The following MYH6 variants were observed in gnomAD, a reference collection of about 807,000 sequenced individuals.
The protein encoded by MYH6 is myosin-6.
MYH6 carries 126 observed loss-of-function variants against 223.2 expected under a neutral mutation model. The observed-to-expected ratio is 0.56, with a 90% CI of 0.49 to 0.65. MYH6 has a LOEUF of 0.65. MYH6 is among the 30% of genes least tolerant of loss of function. The pLI is 0.00. For synonymous variants in MYH6, 978 were observed against 1,010.2 expected, an observed-to-expected ratio of 0.97 and a Z score of 0.61; for missense variants, 2,040 against 2,536.4, an observed-to-expected ratio of 0.80 and a Z score of 4.20.
intron 12 of MYH6, 25 bp from the exon 13 acceptor site, chr14:23,401,002 G>A (rs1891583488): frequency 6.2e-7 from 1 of 1,611,572 alleles, no homozygotes; most frequent in East Asian, 2.2e-5. Context: ...AAGGATAAGT[G>A]AGCACTTCCT....
Position 23,398,951 on chromosome 14 carries a change from G to C in MYH6, c.1668C>G (p.Asn556Lys), listed in dbSNP as rs1169335242. 6.8e-6 allele frequency: 11 copies of C among 1,614,066 alleles called. No homozygotes were observed. The highest frequency in any genetic ancestry group is 2.7e-5 in the African/African-American group (2 of 74,918). ...DMTFKAKLYD[N>K]HLGKSNNFQK... ...GGAAATTGTTGGACTTGCCCAGGTG[G>C]TTGTCGTACAGCTTGGCCTTGAAGG... The change falls in exon 15 of 39, where the codon AAC (asparagine) becomes AAG (lysine). Residue 556 changes from asparagine to lysine, a missense_variant. Physicochemically the swap from Asn to Lys is moderately conservative, Grantham distance 94. Around this residue, in one of 4 missense-constraint regions of MYH6, gnomAD observed 649 missense variants for 877.3 expected, o/e 0.74. Coordinates refer to ENST00000405093, the MANE Select transcript of MYH6 (RefSeq NM_002471.4).
rs200623022 is a variant in MYH6, at chr14:23,404,742, C to T, written c.611G>A (p.Arg204His). 42 of 1,614,050 alleles carry T rather than the reference C, an allele frequency of 2.6e-5. No individual in the cohort carries two copies. The highest frequency in any genetic ancestry group is 5.3e-5 in the African/African-American group (4 of 74,904). The change falls in exon 7 of 39, where the codon CGT becomes CAT. Residue 204 changes from arginine to histidine, a missense_variant. Coordinates refer to ENST00000405093, the MANE Select transcript of MYH6 (RefSeq NM_002471.4). ...YFASIAAIGD[R>H]GKKDNANANK... ...CGCATTGGCATTGTCCTTCTTGCCA[C>T]GGTCACCTATGGCTGCAATGCTGGC...
chr14:23,388,413 A>G, intron 29 of MYH6, 75 bp from the exon 30 acceptor site: 1 of 1,583,678 alleles, frequency 6.3e-7, no homozygotes, highest in Non-Finnish European at 8.6e-7. Flanking sequence ...ACCTCCTTCC[A>G]CCCCCTCCCT....
chr14:23,384,914 A>AC lies in MYH6; in HGVS notation c.5289+1dup. On this transcript the variant is annotated splice_donor_variant, in intron 35 of 38. Coordinates refer to ENST00000405093, the MANE Select transcript of MYH6 (RefSeq NM_002471.4). LOFTEE classifies it high-confidence loss of function. The stretch of plus-strand genomic sequence containing the variant: ...GGAGGCGGAAGGTGGGCGGTCACTT[A>AC]CATCCGTGATGGCCTTCTTGGCCTT... The AC allele has an allele frequency of 6.2e-7, 1 of 1,614,010 alleles. No individual in the cohort carries two copies. The highest frequency in any genetic ancestry group is 8.5e-7 in the Non-Finnish European group (1 of 1,180,034).
chr14:23,388,690 A>T (rs763966764), intron 29 of MYH6, 169 bp downstream of exon 29: 4 of 1,135,800 alleles, frequency 3.5e-6, no homozygotes, highest in Non-Finnish European at 5.4e-6. Context: ...AGGGCCAGCC[A>T]GAGTTCACAG....
intron 37 of MYH6, among the ~76,000 whole-genome samples, 157 bp from the exon 38 acceptor site, chr14:23,382,719 C>T (rs1363091361): frequency 6.6e-6 from 1 of 152,206 alleles, no homozygotes; most frequent in Non-Finnish European, 1.5e-5. Context: ...AACTGCCTTG[C>T]ACTCTTCTCA....
At position 23,405,163 on chromosome 14, in the gene MYH6, G is replaced by T. The variant is rs751290707; in HGVS notation, c.503-36C>A. 6.2e-7 allele frequency: 1 copy of T among 1,614,012 alleles called. No homozygotes were observed. Among genetic ancestry groups the T allele is most frequent in the Admixed American group, 1.7e-5 (1 of 60,036 alleles). On this transcript the variant is annotated intron_variant, in intron 5 of 38. Transcript: ENST00000405093. The surrounding 1 kb of genome is among the most constrained non-coding windows in gnomAD (Gnocchi z 4.7). ...AAAGAGGAGAAGCAATGGGGTCAGG[G>T]CTGAGGATCTGGGTGGGTGTCTGGG...
Position 23,407,492 on chromosome 14 carries a change from G to A in MYH6, c.-14+84C>T. ...GCTAAGGGTTGGCGCTGAGTGCTTG[G>A]GACAGCAGACCCCTGGTCCAGCAAT... On this transcript the variant is annotated intron_variant, in intron 2 of 38. Coordinates refer to ENST00000405093, the MANE Select transcript of MYH6 (RefSeq NM_002471.4). This position sits in a 1 kb window ranked among gnomAD's most constrained non-coding sequence, Gnocchi z 5.6. The A allele has an allele frequency of 2.3e-6, 3 of 1,321,466 alleles. No individual in the cohort carries two copies. The highest frequency in any genetic ancestry group is 2.9e-6 in the Non-Finnish European group (3 of 1,017,168). 81.9% of individuals were successfully genotyped at this position (1,321,466 alleles called of 1,614,324 possible). A position where few individuals can be genotyped will look rare whatever the true frequency, so the allele number is the denominator to read the frequency against.
At chr14:23,384,781 G>T in intron 35 of MYH6, 64 bp from the exon 36 acceptor site, 1 of 1,613,790 alleles carries the variant, frequency 6.2e-7, no homozygotes, top group Non-Finnish European at 8.5e-7. Context: ...GCCCCCCAAG[G>T]ATCTCCTTTC....
chr14:23,386,295 G>C lies in MYH6; in HGVS notation c.4959+20C>G, dbSNP rs1891018867. On this transcript the variant is annotated intron_variant, in intron 33 of 38. Transcript: ENST00000405093. Reference sequence around the variant, plus strand: ...CACATGGAGGCCAGTCCCCTGAGGGGACCTCCCGCCCCCATGTACCTTCAG... The same window carrying C: ...CACATGGAGGCCAGTCCCCTGAGGGCACCTCCCGCCCCCATGTACCTTCAG... 1.9e-6 allele frequency: 3 copies of C among 1,613,940 alleles called. No individual in the cohort carries two copies. Among genetic ancestry groups the C allele is most frequent in the Non-Finnish European group, 2.5e-6 (3 of 1,180,030 alleles).
Position 23,383,339 on chromosome 14 carries a change from G to GGGGGGGGGGGCCCCCCC in MYH6, c.5566-20_5566-19insGGGGGGGCCCCCCCCCC. On this transcript the variant is annotated intron_variant, in intron 36 of 38. Coordinates refer to ENST00000405093, the MANE Select transcript of MYH6 (RefSeq NM_002471.4). Reference sequence around the variant, plus strand: ...CCTCTGTCTGGGGGTGGGAGGGTGGGAGAAGCTGGTTTGGAGGGGGAGCAA... The same window carrying GGGGGGGGGGGCCCCCCC: ...CCTCTGTCTGGGGGTGGGAGGGTGGGGGGGGGGGGGCCCCCCCAGAAGCTGGTTTGGAGGGGGAGCAA... The GGGGGGGGGGGCCCCCCC allele has an allele frequency of 5.5e-5, 6 of 108,164 alleles. No homozygotes were observed. The highest frequency in any genetic ancestry group is 7.4e-5 in the Non-Finnish European group (4 of 54,366). The allele number at this position is 108,164 out of a possible 1,614,324, so 6.7% of individuals were successfully genotyped here. A position where few individuals can be genotyped will look rare whatever the true frequency, so the allele number is the denominator to read the frequency against.
Position 23,404,389 on chromosome 14 carries a change from C to T in MYH6, c.643-1G>A. The T allele has an allele frequency of 6.2e-7, 1 of 1,614,146 alleles. No homozygotes were observed. On this transcript the variant is annotated splice_acceptor_variant, in intron 7 of 38. Transcript: ENST00000405093. LOFTEE classifies it high-confidence loss of function. ...GGATGATCTGGTCCTCCAGGGTGCC[C>T]TATGAAAGGAGCAGAACTGCATGGG...
chr14:23,382,116 G>A lies in MYH6; in HGVS notation c.5797-53C>T, dbSNP rs28488316. 0.011 allele frequency: 17,013 copies of A among 1,529,350 alleles called. 606 individuals carry two copies. In the African/African-American group the frequency reaches 0.12, roughly 11 times the overall value. The allele number at this position is 1,529,350 out of a possible 1,614,324, so 94.7% of individuals were successfully genotyped here. A position where few individuals can be genotyped will look rare whatever the true frequency, so the allele number is the denominator to read the frequency against. On this transcript the variant is annotated intron_variant, in intron 38 of 38. Coordinates refer to ENST00000405093, the MANE Select transcript of MYH6 (RefSeq NM_002471.4). ...GGCAGCTGGCAAGAGGGAGAAGTGT[G>A]TGGGGACAAATCCCTGGGGCTTTCA...
rs1053714593 is a variant in MYH6, at chr14:23,390,155, G to A, written c.3634C>T (p.Leu1212=). ...TCCAGCTTCTGCTTCACCCGCTGCA[G>A]GTTGTCGATCTGCTCGCCCAGCTCG... ...VAELGEQIDN[L]QRVKQKLEKE... The change falls in exon 26 of 39, where the codon CTG becomes TTG. Residue 1212 remains leucine, a synonymous_variant. Transcript: ENST00000405093. The A allele has an allele frequency of 1.1e-5, 17 of 1,610,780 alleles. No individual in the cohort carries two copies. The Admixed American group carries it at 1.7e-4, about 16-fold the overall frequency.
chr14:23,388,543 G>C lies in MYH6; in HGVS notation c.4176-205C>G, dbSNP rs1223140001. ...TCCCTACCTGCAGTGGCATCTGGGT[G>C]TCAGTGCCCCCTGCCCTCACCCCCC... On this transcript the variant is annotated intron_variant, in intron 29 of 38. Coordinates refer to ENST00000405093, the MANE Select transcript of MYH6 (RefSeq NM_002471.4). 5 of 909,668 alleles carry C rather than the reference G, an allele frequency of 5.5e-6. No homozygotes were observed. The East Asian group carries it at 1.2e-4, about 22-fold the overall frequency. 56.3% of individuals were successfully genotyped at this position (909,668 alleles called of 1,614,324 possible).
At chr14:23,383,127 A>G (rs976884045) in intron 37 of MYH6, 98 bp downstream of exon 37, 1 of 1,101,022 alleles carries the variant, frequency 9.1e-7, no homozygotes, top group Non-Finnish European at 1.4e-6. Context: ...TAAAGTTTAT[A>G]GCAAACTCTT....
rs748264121 is a variant in MYH6 at position 23,386,529 on chromosome 14, T to C, written c.4745A>G (p.Asp1582Gly). ...GCGCTTGGCCTGTTCCATCTCCTCGTCCTTCTCTGCCAGCTTCCGCTCGAT... is the reference window on the plus strand; with the variant it reads ...GCGCTTGGCCTGTTCCATCTCCTCGCCCTTCTCTGCCAGCTTCCGCTCGAT... The part of the protein sequence containing the change: ...AEIERKLAEK[D>G]EEMEQAKRNH... The change falls in exon 33 of 39, where the codon GAC becomes GGC. Residue 1582 changes from aspartate (D) to glycine (G), a missense_variant. By Grantham distance (94) the Asp-to-Gly change is moderately conservative. Transcript: ENST00000405093. 25 of 1,613,940 alleles carry C rather than the reference T, an allele frequency of 1.5e-5. No individual in the cohort carries two copies. The highest frequency in any genetic ancestry group is 2.1e-5 in the Non-Finnish European group (25 of 1,179,998).
chr14:23,397,505 T>C (rs775015332), intron 16 of MYH6, 38 bp downstream of exon 16: 49 of 1,604,822 alleles, frequency 3.1e-5, no homozygotes, highest in Admixed American at 1.0e-4. Context: ...GGCTGGGCCA[T>C]TCCACCAGGT....
chr14:23,384,889 G>C, intron 35 of MYH6, 27 bp downstream of exon 35: 3 of 1,613,566 alleles, frequency 1.9e-6, no homozygotes, highest in Non-Finnish European at 2.5e-6. Context: ...TGTCTTTAGG[G>C]GAGGCGGAAG....
Sources: allele counts gnomAD v4.1 joint callset (sites outside exome capture counted in the v4.1 genomes callset), GRCh38; gene constraint gnomAD v4.1.1; regional missense constraint gnomAD v4.1.1; non-coding constraint Gnocchi (gnomAD v3.1); transcripts MANE v1.5; gene names NCBI Gene and HGNC (gene_info 2026-07-23, HGNC 2026-07-21).